SCRG1: variants seen among roughly 807,000 people sequenced by gnomAD.
SCRG1 encodes scrapie-responsive protein 1.
SCRG1 carries 3 observed loss-of-function variants against 7.7 expected under a neutral mutation model. The observed-to-expected ratio is 0.39, with a 90% CI of 0.18 to 1.01. The LOEUF (loss-of-function observed/expected upper bound fraction) is 1.01, where lower values mean the gene tolerates loss of function less well. SCRG1 is among the 50% of genes least tolerant of loss of function. SCRG1 has a pLI of 0.36. For missense variants in SCRG1, 110 were observed against 117.2 expected, an observed-to-expected ratio of 0.94 and a Z score of 0.28; for synonymous variants, 46 against 41.2, an observed-to-expected ratio of 1.12 and a Z score of -0.44.
the SCRG1 span, among the ~76,000 whole-genome samples, chr4:173,517,512 G>A: frequency 6.6e-6 from 1 of 152,158 alleles, no homozygotes; most frequent in East Asian, 1.9e-4. Context: ...TGAAATAAGG[G>A]GTTCACCGGT....
the SCRG1 span, among the ~76,000 whole-genome samples, chr4:173,413,539 G>C: frequency 1.3e-5 from 2 of 152,192 alleles, no homozygotes; most frequent in Admixed American, 1.3e-4. Context: ...GAACCAACGA[G>C]TCATTGACAA....
At chr4:173,423,588 T>C in the SCRG1 span, among the ~76,000 whole-genome samples, 5 of 152,300 alleles carry the variant, frequency 3.3e-5, no homozygotes, top group African/African-American at 1.2e-4. Flanking sequence ...AAAAAAACCT[T>C]TTATTTGTAT....
chr4:173,443,561 A>G, the SCRG1 span, among the ~76,000 whole-genome samples: 7 of 152,222 alleles, frequency 4.6e-5, no homozygotes, highest in Non-Finnish European at 1.0e-4. Context: ...TATACTTTGA[A>G]AATATTATCG....
the SCRG1 span, among the ~76,000 whole-genome samples, chr4:173,455,490 T>C: frequency 3.3e-5 from 5 of 152,232 alleles, no homozygotes; most frequent in South Asian, 1.0e-3. Context: ...CTGCCTATGG[T>C]GTGTCAGCCA....
chr4:173,456,310 G>A, the SCRG1 span, among the ~76,000 whole-genome samples: 3 of 152,162 alleles, frequency 2.0e-5, no homozygotes, highest in African/African-American at 7.2e-5. Context: ...ATGGTAATAA[G>A]TTTCTTTTTA....
the SCRG1 span, among the ~76,000 whole-genome samples, chr4:173,482,540 G>C: frequency 6.6e-6 from 1 of 152,126 alleles, no homozygotes; most frequent in Non-Finnish European, 1.5e-5. Flanking sequence ...CAGAAGCACA[G>C]GGCACAGTGG....
chr4:173,419,324 G>C, the SCRG1 span: 1 of 779,308 alleles, frequency 1.3e-6, no homozygotes, highest in Non-Finnish European at 2.1e-6. Context: ...CTGAGCAAGG[G>C]ATATTTTGGG....
the SCRG1 span, among the ~76,000 whole-genome samples, chr4:173,443,656 T>A: frequency 0.55 from 83,770 of 151,924 alleles, 24,570 homozygotes; most frequent in Non-Finnish European, 0.67. Flanking sequence ...GGTCTTGAAC[T>A]GAAAATATTT....
At chr4:173,451,797 T>C in the SCRG1 span, among the ~76,000 whole-genome samples, 3 of 152,016 alleles carry the variant, frequency 2.0e-5, no homozygotes, top group African/African-American at 4.8e-5. Context: ...AAATACTACC[T>C]CTGTCCATTG....
chr4:173,499,890 T>A, the SCRG1 span, among the ~76,000 whole-genome samples: 3 of 152,248 alleles, frequency 2.0e-5, no homozygotes, highest in Admixed American at 6.5e-5. The surrounding 1 kb of genome is among the most constrained non-coding windows in gnomAD (Gnocchi z 4.1). Flanking sequence ...GACTACCATA[T>A]GTGCTCCATA....
the SCRG1 span, among the ~76,000 whole-genome samples, chr4:173,480,357 G>T: frequency 0.51 from 76,476 of 151,152 alleles, 21,193 homozygotes; most frequent in East Asian, 0.67. Flanking sequence ...GGTTTTTTTT[G>T]TTTGTTTGTT....
At chr4:173,401,709 G>A (rs996454462), upstream of SCRG1, among the ~76,000 whole-genome samples, 8 of 152,152 alleles carry the variant, frequency 5.3e-5, no homozygotes, top group African/African-American at 1.9e-4. Context: ...AATCATCTCT[G>A]GATCATGTTC....
the SCRG1 span, among the ~76,000 whole-genome samples, chr4:173,470,681 T>A: frequency 1.8e-4 from 28 of 152,366 alleles, no homozygotes; most frequent in Non-Finnish European, 1.3e-4. Context: ...ACTTGATTTG[T>A]TATTTTTCAC....
chr4:173,436,318 CTT>C, the SCRG1 span, among the ~76,000 whole-genome samples: 4 of 152,170 alleles, frequency 2.6e-5, no homozygotes, highest in Non-Finnish European at 5.9e-5. Context: ...GCTTTACCCT[CTT>C]TGTTATGTCC....
the SCRG1 span, among the ~76,000 whole-genome samples, chr4:173,418,432 C>T: frequency 3.9e-5 from 6 of 152,154 alleles, no homozygotes; most frequent in Non-Finnish European, 8.8e-5. Flanking sequence ...ACAGCTGAGC[C>T]CATCAGAGTC....
chr4:173,438,880 A>T, the SCRG1 span, among the ~76,000 whole-genome samples: 1 of 152,094 alleles, frequency 6.6e-6, no homozygotes, highest in South Asian at 2.1e-4. Context: ...TAGATAATAA[A>T]ACAGAGACCG....
At chr4:173,391,716 C>T (rs1842560) in intron 1 of SCRG1, among the ~76,000 whole-genome samples, 4,859 of 152,196 alleles carry the variant, frequency 0.032, 156 homozygotes, top group African/African-American at 0.085. Flanking sequence ...TTGCTTGAAC[C>T]CAGAAGTTTG....
At chr4:173,425,433 C>T in the SCRG1 span, among the ~76,000 whole-genome samples, 846 of 152,316 alleles carry the variant, frequency 5.6e-3, 5 homozygotes, top group African/African-American at 0.019. Flanking sequence ...GCTGGCTTTC[C>T]AGTAGTTTTC....
upstream of SCRG1, among the ~76,000 whole-genome samples, chr4:173,407,187 C>T (rs1156846473): frequency 9.8e-5 from 14 of 143,332 alleles, no homozygotes; most frequent in Admixed American, 1.5e-4. Flanking sequence ...CCAGCCTGGG[C>T]GACAGAGCGA....
Sources: allele counts gnomAD v4.1 joint callset (sites outside exome capture counted in the v4.1 genomes callset), GRCh38; gene constraint gnomAD v4.1.1; non-coding constraint Gnocchi (gnomAD v3.1); transcripts MANE v1.5; gene names NCBI Gene and HGNC (gene_info 2026-07-23, HGNC 2026-07-21).